Variants in POU6F2 observed in about 807,000 individuals in gnomAD.
The protein encoded by POU6F2 is POU class 6 homeobox 2, also known as POU domain, class 6, transcription factor 2.
In POU6F2, 31 loss-of-function variants were observed where a neutral mutation model predicts 71.3. That is an observed-to-expected ratio of 0.43 (90% confidence interval 0.33 to 0.59). The LOEUF is 0.59. POU6F2 is among the 20% of genes least tolerant of loss of function. POU6F2 has a pLI of 0.04. For synonymous variants in POU6F2, 347 were observed against 355.7 expected (o/e 0.98, Z 0.27); for missense variants, 783 against 856.8 (o/e 0.91, Z 1.07).
chr7:39,235,508 G>T (rs1308544291), intron 4 of POU6F2, among the ~76,000 whole-genome samples: 1 of 152,128 alleles, frequency 6.6e-6, no homozygotes, highest in Non-Finnish European at 1.5e-5. Flanking sequence ...TCTCCTGCCA[G>T]TCCACTGGGC....
chr7:39,429,490 ATTCAAGGTACCTGTC>A (rs1788046918), intron 6 of POU6F2, among the ~76,000 whole-genome samples: 1 of 152,156 alleles, frequency 6.6e-6, no homozygotes. Context: ...GAATCTCTGC[ATTCAAGGTACCTGTC>A]TTGTTTACCC....
chr7:39,400,498 G>A (rs1787274491), intron 5 of POU6F2, among the ~76,000 whole-genome samples: 1 of 152,154 alleles, frequency 6.6e-6, no homozygotes, highest in Non-Finnish European at 1.5e-5. Context: ...AGCAGTGCCT[G>A]AGCATTGCCA....
At chr7:39,081,966 A>T (rs540333551) in intron 1 of POU6F2, among the ~76,000 whole-genome samples, 1 of 152,340 alleles carries the variant, frequency 6.6e-6, no homozygotes, top group African/African-American at 2.4e-5. Context: ...CAAGAAATTT[A>T]GCCCACTGAG....
intron 4 of POU6F2, among the ~76,000 whole-genome samples, chr7:39,245,405 C>CTG (rs1382621606): frequency 6.6e-6 from 1 of 152,158 alleles, no homozygotes; most frequent in Non-Finnish European, 1.5e-5. Context: ...TCTCTTCATT[C>CTG]TGTTTATTAT....
chr7:39,006,605 T>C (rs1436152542), intron 1 of POU6F2, among the ~76,000 whole-genome samples: 1 of 152,228 alleles, frequency 6.6e-6, no homozygotes, highest in Non-Finnish European at 1.5e-5. Context: ...TTTTCCCATG[T>C]AGCTCCACGG....
At chr7:39,054,826 C>A (rs989535980) in intron 1 of POU6F2, among the ~76,000 whole-genome samples, 1 of 150,646 alleles carries the variant, frequency 6.6e-6, no homozygotes, top group Non-Finnish European at 1.5e-5. Context: ...AACCATGTCT[C>A]ACACACTTAT....
chr7:39,078,168 T>A (rs1369656453), intron 1 of POU6F2, among the ~76,000 whole-genome samples: 1 of 152,236 alleles, frequency 6.6e-6, no homozygotes, highest in African/African-American at 2.4e-5. Flanking sequence ...AACACGCTTT[T>A]ATTGCCAATT....
At chr7:39,045,423 A>G (rs1421738659) in intron 1 of POU6F2, among the ~76,000 whole-genome samples, 1 of 151,884 alleles carries the variant, frequency 6.6e-6, no homozygotes, top group East Asian at 1.9e-4. Flanking sequence ...TTCTAGGCAC[A>G]TTGCCATTCG....
chr7:39,125,136 T>A (rs1482460537), intron 2 of POU6F2, among the ~76,000 whole-genome samples: 1 of 152,182 alleles, frequency 6.6e-6, no homozygotes, highest in Non-Finnish European at 1.5e-5. Context: ...TAGAAAATAC[T>A]TTGATTCAGT....
At chr7:39,190,504 G>A (rs1008866772) in intron 2 of POU6F2, among the ~76,000 whole-genome samples, 4 of 146,616 alleles carry the variant, frequency 2.7e-5, no homozygotes, top group African/African-American at 1.0e-4. Flanking sequence ...TAATATCATA[G>A]GTTTGTTATG....
chr7:39,202,799 G>C (rs1031861663), intron 2 of POU6F2, among the ~76,000 whole-genome samples: 2 of 152,180 alleles, frequency 1.3e-5, no homozygotes, highest in Non-Finnish European at 2.9e-5. Flanking sequence ...TCATTAAAAT[G>C]CCAAACATAT....
chr7:39,316,299 G>T (rs939547149), intron 4 of POU6F2, among the ~76,000 whole-genome samples: 2 of 152,122 alleles, frequency 1.3e-5, no homozygotes, highest in African/African-American at 4.8e-5. Flanking sequence ...CACTGGCAGG[G>T]ACTTAGTGTT....
intron 1 of POU6F2, among the ~76,000 whole-genome samples, chr7:39,065,192 A>G (rs1244095090): frequency 6.6e-6 from 1 of 151,800 alleles, no homozygotes; most frequent in East Asian, 1.9e-4. Flanking sequence ...TCAAAAACAC[A>G]GTCTCTTCCA....
intron 4 of POU6F2, among the ~76,000 whole-genome samples, chr7:39,272,806 T>C (rs1784364140): frequency 6.6e-6 from 1 of 152,228 alleles, no homozygotes; most frequent in African/African-American, 2.4e-5. Context: ...TCCCAAATTA[T>C]TTTCTTCTAT....
intron 4 of POU6F2, among the ~76,000 whole-genome samples, chr7:39,225,628 T>C (rs1301559195): frequency 6.6e-6 from 1 of 152,202 alleles, no homozygotes; most frequent in Non-Finnish European, 1.5e-5. Context: ...CATGTTCCCA[T>C]GAAGGGAAAA....
chr7:39,278,955 A>T (rs1472898643), intron 4 of POU6F2, among the ~76,000 whole-genome samples: 1 of 152,096 alleles, frequency 6.6e-6, no homozygotes, highest in Non-Finnish European at 1.5e-5. Flanking sequence ...CCAAAACAGC[A>T]CACAAACACA....
intron 7 of POU6F2, among the ~76,000 whole-genome samples, chr7:39,439,001 G>T (rs1234941011): frequency 3.3e-5 from 5 of 152,182 alleles, no homozygotes; most frequent in African/African-American, 4.8e-5. Context: ...AAGTCTCTTT[G>T]TAGGTCTCTA....
chr7:39,442,400 G>C (rs2237384), intron 7 of POU6F2, among the ~76,000 whole-genome samples: 1,710 of 152,316 alleles, frequency 0.011, 28 homozygotes, highest in East Asian at 0.061. Flanking sequence ...CCAACATCAG[G>C]AGAATCCCAG....
At chr7:39,070,425 A>G (rs770146615) in intron 1 of POU6F2, among the ~76,000 whole-genome samples, 2 of 150,308 alleles carry the variant, frequency 1.3e-5, no homozygotes, top group Non-Finnish European at 2.9e-5. Flanking sequence ...CTCCCCACAA[A>G]GCAGCCTTTT....
Sources: gnomAD v4.1 joint callset for allele counts (sites outside exome capture counted in the v4.1 genomes callset) on GRCh38, gnomAD v4.1.1 for gene constraint, MANE v1.5 for transcripts, NCBI Gene and HGNC (gene_info 2026-07-23, HGNC 2026-07-21) for gene names.